SGCZ: variants seen among roughly 807,000 people sequenced by gnomAD.
SGCZ encodes the protein sarcoglycan zeta, also known as zeta-sarcoglycan.
In SGCZ, 40 loss-of-function variants were observed where a neutral mutation model predicts 41.3. The ratio of observed to expected loss-of-function variants is 0.97; its 90% CI spans 0.75 to 1.26. SGCZ has a LOEUF of 1.26. Among genes scored for constraint, SGCZ ranks in the 50% most tolerant of loss-of-function variants. The pLI, the probability that SGCZ is intolerant of heterozygous loss-of-function variation, is 0.00. For synonymous variants in SGCZ, 206 were observed against 137.5 expected (o/e 1.50, Z -3.49); for missense variants, 552 against 369.8 (o/e 1.49, Z -4.04).
intron 4 of SGCZ, among the ~76,000 whole-genome samples, chr8:14,198,546 A>C (rs578258749): frequency 2.0e-5 from 3 of 152,118 alleles, no homozygotes. Context: ...AGTATCATGT[A>C]ATATACCTCA....
chr8:14,577,379 T>C (rs1012354262), intron 1 of SGCZ, among the ~76,000 whole-genome samples: 41 of 146,490 alleles, frequency 2.8e-4, no homozygotes, highest in Non-Finnish European at 4.6e-4. Flanking sequence ...AGAAAAGAAA[T>C]ATATCTTTTT....
intron 2 of SGCZ, among the ~76,000 whole-genome samples, chr8:14,389,352 T>A (rs546840495): frequency 4.2e-4 from 64 of 151,696 alleles, no homozygotes; most frequent in African/African-American, 1.5e-3. Flanking sequence ...AAAATATAAG[T>A]ACTCAGATTA....
chr8:14,988,389 C>T (rs1042335170), intron 1 of SGCZ, among the ~76,000 whole-genome samples: 3 of 151,866 alleles, frequency 2.0e-5, no homozygotes, highest in Non-Finnish European at 4.4e-5. Flanking sequence ...ATGGAGATTA[C>T]ATAAAACTAA....
chr8:14,230,150 T>C (rs559026608), intron 4 of SGCZ, among the ~76,000 whole-genome samples: 6 of 152,104 alleles, frequency 3.9e-5, no homozygotes, highest in Admixed American at 2.0e-4. Context: ...TAAGGACCAG[T>C]AGATTCATCA....
intron 2 of SGCZ, among the ~76,000 whole-genome samples, chr8:14,414,388 C>G (rs1036611184): frequency 4.6e-5 from 7 of 151,842 alleles, no homozygotes; most frequent in African/African-American, 1.7e-4. Flanking sequence ...TAGGAACTCC[C>G]TGGAGAGTAC....
chr8:14,186,617 C>T (rs540215994), intron 4 of SGCZ, among the ~76,000 whole-genome samples: 1 of 152,292 alleles, frequency 6.6e-6, no homozygotes, highest in Non-Finnish European at 1.5e-5. Flanking sequence ...AAACTTACCA[C>T]TTTTTCTGCT....
At position 14,591,473 on chromosome 8, in the gene SGCZ, T is replaced by C. The variant is rs562292572; in HGVS notation, c.40-36547A>G. Among the ~76,000 whole-genome samples the C allele has an allele frequency of 2.0e-5, 3 of 152,150 alleles. No homozygotes were observed. The South Asian group carries it at 6.2e-4, about 32-fold the overall frequency. On this transcript the variant is annotated intron_variant, in intron 1 of 7. Coordinates refer to ENST00000382080, the MANE Select transcript of SGCZ (RefSeq NM_139167.4). ...CTTAATTGAAAAGGTACAAAAAATATTTTAAAACCCTGATCAAAACCTAGA... is the reference window on the plus strand; with the variant it reads ...CTTAATTGAAAAGGTACAAAAAATACTTTAAAACCCTGATCAAAACCTAGA...
At chr8:14,098,627 A>G (rs150562174) in intron 7 of SGCZ, among the ~76,000 whole-genome samples, 1 of 152,342 alleles carries the variant, frequency 6.6e-6, no homozygotes, top group Non-Finnish European at 1.5e-5. Context: ...GTGGTGTTTA[A>G]GTCTACAGGC....
chr8:15,185,738 T>G (rs1800312941), intron 1 of SGCZ, among the ~76,000 whole-genome samples: 1 of 152,144 alleles, frequency 6.6e-6, no homozygotes, highest in Non-Finnish European at 1.5e-5. Flanking sequence ...TCAGACAGAC[T>G]ACAGAGTTAT....
chr8:14,191,278 C>G (rs116176969), intron 4 of SGCZ, among the ~76,000 whole-genome samples: 224 of 151,910 alleles, frequency 1.5e-3, no homozygotes, highest in Admixed American at 4.2e-3. Context: ...ATCCTTTAAT[C>G]CATATGCTGC....
chr8:14,885,985 TTATA>T (rs71209089), intron 1 of SGCZ, among the ~76,000 whole-genome samples: 3,384 of 55,294 alleles, frequency 0.061, 90 homozygotes, highest in African/African-American at 0.066. Flanking sequence ...GGACTTTATG[TTATA>T]TATATATATA....
chr8:14,209,463 C>T (rs562969592), intron 4 of SGCZ, among the ~76,000 whole-genome samples: 10 of 152,052 alleles, frequency 6.6e-5, no homozygotes, highest in African/African-American at 2.4e-4. Context: ...AATGCTGCTT[C>T]GCTTATGATA....
chr8:14,761,251 A>C (rs1470985943), intron 1 of SGCZ, among the ~76,000 whole-genome samples: 1 of 152,174 alleles, frequency 6.6e-6, no homozygotes, highest in African/African-American at 2.4e-5. Flanking sequence ...CACATTTCTG[A>C]AAAGTACATA....
At chr8:14,253,053 T>C (rs1459687240) in intron 3 of SGCZ, among the ~76,000 whole-genome samples, 2 of 152,146 alleles carry the variant, frequency 1.3e-5, no homozygotes, top group Non-Finnish European at 2.9e-5. Context: ...AATGAACTCA[T>C]TATTCATGAA....
chr8:14,680,110 A>T (rs769905957), intron 1 of SGCZ, among the ~76,000 whole-genome samples: 5 of 152,086 alleles, frequency 3.3e-5, no homozygotes, highest in Non-Finnish European at 5.9e-5. Context: ...CTCCACTGTG[A>T]AGTCATGCAT....
intron 2 of SGCZ, among the ~76,000 whole-genome samples, chr8:14,468,991 T>G (rs1801132130): frequency 6.6e-6 from 1 of 152,120 alleles, no homozygotes; most frequent in Non-Finnish European, 1.5e-5. Context: ...GTTTCCACTA[T>G]AATAACCTAC....
intron 1 of SGCZ, among the ~76,000 whole-genome samples, chr8:15,160,577 C>G (rs1383153119): frequency 6.6e-6 from 1 of 152,206 alleles, no homozygotes; most frequent in Non-Finnish European, 1.5e-5. Context: ...ATATATTCAA[C>G]ATTTTTTTTC....
At chr8:14,429,804 G>A (rs1176827594) in intron 2 of SGCZ, among the ~76,000 whole-genome samples, 1 of 151,478 alleles carries the variant, frequency 6.6e-6, no homozygotes, top group African/African-American at 2.4e-5. Context: ...TTTTTTTAGT[G>A]GTAATTTATT....
At chr8:14,588,479 G>A (rs1389349526) in intron 1 of SGCZ, among the ~76,000 whole-genome samples, 1 of 151,912 alleles carries the variant, frequency 6.6e-6, no homozygotes, top group Non-Finnish European at 1.5e-5. Flanking sequence ...AAACAATAAC[G>A]ATAATTTAGT....
Sources: allele counts gnomAD v4.1 joint callset (sites outside exome capture counted in the v4.1 genomes callset), GRCh38; gene constraint gnomAD v4.1.1; transcripts MANE v1.5; gene names NCBI Gene and HGNC (gene_info 2026-07-23, HGNC 2026-07-21).